Variants in SLC14A2 observed in about 807,000 individuals in gnomAD.
The protein encoded by SLC14A2 is solute carrier family 14 member 2.
In SLC14A2, 91 loss-of-function variants were observed where a neutral mutation model predicts 104.6. That is an observed-to-expected ratio of 0.87 (90% CI 0.73 to 1.04). The LOEUF (loss-of-function observed/expected upper bound fraction) is 1.04, where lower values mean the gene tolerates loss of function less well. SLC14A2 is among the 50% of genes least tolerant of loss of function. SLC14A2 has a pLI of 0.00. For missense variants in SLC14A2, 1,189 were observed against 1,156.0 expected, an observed-to-expected ratio of 1.03 and a Z score of -0.41; for synonymous variants, 476 against 466.4, an observed-to-expected ratio of 1.02 and a Z score of -0.27.
At chr18:45,242,334 C>A (rs576051135) in intron 1 of SLC14A2, among the ~76,000 whole-genome samples, 1 of 152,130 alleles carries the variant, frequency 6.6e-6, no homozygotes. Flanking sequence ...GTAAAAACTG[C>A]CGTAAAAGTC....
intron 2 of SLC14A2, among the ~76,000 whole-genome samples, chr18:45,501,019 G>A (rs1188037564): frequency 2.0e-5 from 3 of 152,174 alleles, no homozygotes; most frequent in Non-Finnish European, 4.4e-5. Flanking sequence ...GAGAGGAAAC[G>A]GGAGAGAAGC....
intron 1 of SLC14A2, among the ~76,000 whole-genome samples, chr18:45,411,004 A>G (rs112048475): frequency 5.9e-5 from 9 of 152,320 alleles, no homozygotes; most frequent in African/African-American, 2.2e-4. Flanking sequence ...TACTTTAACT[A>G]CACTCTTATA....
At chr18:45,562,064 C>T (rs1195681283) in intron 2 of SLC14A2, among the ~76,000 whole-genome samples, 2 of 152,186 alleles carry the variant, frequency 1.3e-5, no homozygotes, top group Non-Finnish European at 2.9e-5. Context: ...ACCCAGTTCT[C>T]TCTCCTGTTG....
At chr18:45,392,609 T>G (rs1201513873) in intron 1 of SLC14A2, among the ~76,000 whole-genome samples, 3 of 152,236 alleles carry the variant, frequency 2.0e-5, no homozygotes, top group Non-Finnish European at 4.4e-5. Context: ...TAAGCTATCA[T>G]TTTGTGTAAC....
At chr18:45,536,415 C>A (rs757264550) in intron 2 of SLC14A2, among the ~76,000 whole-genome samples, 3 of 152,174 alleles carry the variant, frequency 2.0e-5, no homozygotes, top group Admixed American at 2.0e-4. Context: ...GAGGACTGTG[C>A]GGGAGAACCC....
chr18:45,483,249 C>T (rs1354622459), exon 2 of SLC14A2: 1 of 152,146 alleles, frequency 6.6e-6, no homozygotes, highest in Non-Finnish European at 1.5e-5. Context: ...TTCTTGCTTA[C>T]TACTTGTGGT....
At chr18:45,517,498 G>T (rs1568254497) in intron 2 of SLC14A2, among the ~76,000 whole-genome samples, 1 of 152,170 alleles carries the variant, frequency 6.6e-6, no homozygotes, top group Non-Finnish European at 1.5e-5. Context: ...TGGCCAAAAG[G>T]CTTCTCAGCA....
At chr18:45,571,773 C>G (rs1046337531) in intron 2 of SLC14A2, among the ~76,000 whole-genome samples, 75 of 152,334 alleles carry the variant, frequency 4.9e-4, no homozygotes, top group African/African-American at 1.6e-3. Context: ...CAGTCTGATC[C>G]ATTACTTGAA....
chr18:45,461,029 C>T (rs2087036056), intron 1 of SLC14A2, among the ~76,000 whole-genome samples: 1 of 152,184 alleles, frequency 6.6e-6, no homozygotes, highest in African/African-American at 2.4e-5. Context: ...CTCCCACTCC[C>T]TCACAAAGGC....
intron 1 of SLC14A2, among the ~76,000 whole-genome samples, chr18:45,623,470 A>G (rs1050439787): frequency 1.3e-5 from 2 of 152,174 alleles, no homozygotes; most frequent in African/African-American, 4.8e-5. Flanking sequence ...GCAGTTGGAG[A>G]GGATGGTATG....
intron 1 of SLC14A2, among the ~76,000 whole-genome samples, chr18:45,223,475 C>G (rs1464743052): frequency 6.6e-6 from 1 of 152,118 alleles, no homozygotes; most frequent in Non-Finnish European, 1.5e-5. Flanking sequence ...TTAGGGAAAA[C>G]CAAACACAGT....
At chr18:45,312,951 G>A (rs538749644) in intron 1 of SLC14A2, among the ~76,000 whole-genome samples, 8 of 152,252 alleles carry the variant, frequency 5.3e-5, no homozygotes, top group East Asian at 1.9e-4. Flanking sequence ...GGTTGGCCTC[G>A]TCAGTGATGC....
At chr18:45,177,822 C>T in the SLC14A2 span, among the ~76,000 whole-genome samples, 4 of 152,076 alleles carry the variant, frequency 2.6e-5, no homozygotes, top group East Asian at 7.7e-4. Context: ...TACTAAATAG[C>T]CATTTGTTTT....
intron 1 of SLC14A2, among the ~76,000 whole-genome samples, chr18:45,336,445 C>T (rs893350976): frequency 1.3e-5 from 2 of 151,344 alleles, no homozygotes; most frequent in East Asian, 3.9e-4. Context: ...CTCGGAGGGC[C>T]CTTTCTCCCA....
rs1014191165 is a variant in SLC14A2, at chr18:45,615,844, A to T, written c.-35+262A>T. Among the ~76,000 whole-genome samples, 24 of 150,312 alleles carry T rather than the reference A, an allele frequency of 1.6e-4. No homozygotes were observed. In the East Asian group the frequency reaches 2.7e-3, roughly 17 times the overall value. On this transcript the variant is annotated intron_variant, in intron 1 of 19. Coordinates refer to ENST00000255226, the MANE Select transcript of SLC14A2 (RefSeq NM_007163.4). ...GTGTGTGTGTGTGTGTGTGAGAGAG[A>T]GAGAGAGAGAGAGAGGGAGAGAGAG...
chr18:45,532,358 G>T (rs1178670656), intron 2 of SLC14A2, among the ~76,000 whole-genome samples: 2 of 152,048 alleles, frequency 1.3e-5, no homozygotes, highest in African/African-American at 2.4e-5. Flanking sequence ...CCATTTGTTT[G>T]TATCCTCTTT....
chr18:45,324,440 G>T (rs2085214796), intron 1 of SLC14A2, among the ~76,000 whole-genome samples: 1 of 152,006 alleles, frequency 6.6e-6, no homozygotes, highest in African/African-American at 2.4e-5. Context: ...TAAAAGCAAA[G>T]AAAACAAGAA....
At chr18:45,330,118 A>G (rs1409508585) in intron 1 of SLC14A2, among the ~76,000 whole-genome samples, 2 of 152,158 alleles carry the variant, frequency 1.3e-5, no homozygotes, top group African/African-American at 4.8e-5. Context: ...GAGGGTCTGA[A>G]CCTGCTTGGT....
chr18:45,631,391 G>T (rs1599089314), intron 4 of SLC14A2, among the ~76,000 whole-genome samples: 1 of 152,338 alleles, frequency 6.6e-6, no homozygotes, highest in African/African-American at 2.4e-5. Context: ...TCACCCGGCA[G>T]AGCAATTAGA....
Sources: gnomAD v4.1 joint callset for allele counts (sites outside exome capture counted in the v4.1 genomes callset) on GRCh38, gnomAD v4.1.1 for gene constraint, MANE v1.5 for transcripts, NCBI Gene and HGNC (gene_info 2026-07-23, HGNC 2026-07-21) for gene names.